The following CXorf65 variants were observed in gnomAD, a reference collection of about 807,000 sequenced individuals.
The protein encoded by CXorf65 is uncharacterized protein CXorf65.
For missense variants in CXorf65, 137 were observed against 144.7 expected (o/e 0.95, Z 0.27); for synonymous variants, 54 against 51.4 (o/e 1.05, Z -0.21).
At position 71,106,688 on chromosome X, in the gene CXorf65, G is replaced by T; in HGVS notation, c.-132C>A. 1 of 1,173,377 alleles carries T rather than the reference G, an allele frequency of 8.5e-7. No individual in the cohort carries two copies. On this transcript the variant is annotated 5_prime_UTR_variant, in exon 1 of 6. Coordinates refer to ENST00000374251, the MANE Select transcript of CXorf65 (RefSeq NM_001025265.3). ...CTAGAGAGGCAGATGGATTTCATAG[G>T]CTGAGGATGCCCAGGCTGGACAGGC...
At position 71,106,614 on chromosome X, in the gene CXorf65, G is replaced by A; in HGVS notation, c.-58C>T. The A allele has an allele frequency of 8.3e-7, 1 of 1,208,593 alleles. No homozygotes were observed. The highest frequency in any genetic ancestry group is 3.0e-5 in the East Asian group (1 of 33,816). On this transcript the variant is annotated 5_prime_UTR_variant, in exon 1 of 6. Transcript: ENST00000374251. ...CCCTGATGAGTCATGCAGAAGGAGGGTGTTCTAGAGGCCTTGTGTGGGGCA... is the reference window on the plus strand; with the variant it reads ...CCCTGATGAGTCATGCAGAAGGAGGATGTTCTAGAGGCCTTGTGTGGGGCA...
At chrX:71,104,920 C>T (rs1187386788) in intron 3 of CXorf65, 83 bp from the exon 4 acceptor site, 2 of 905,517 alleles carry the variant, frequency 2.2e-6, no homozygotes, top group Non-Finnish European at 3.2e-6. Context: ...GGACCTAACA[C>T]TAAAGACTAC....
Position 71,104,102 on chromosome X carries a change from G to A in CXorf65, c.437C>T (p.Ser146Leu). The A allele has an allele frequency of 8.3e-7, 1 of 1,209,937 alleles. No individual in the cohort carries two copies. The highest frequency in any genetic ancestry group is 1.1e-6 in the Non-Finnish European group (1 of 894,767). Residue 146 changes from serine (S) to leucine (L), a missense_variant, in exon 6 of 6, where the codon TCA becomes TTA. Coordinates refer to ENST00000374251, the MANE Select transcript of CXorf65 (RefSeq NM_001025265.3). Reference sequence around the variant, plus strand: ...GGACTTCTTTTTGTCTGATCGTCCTGATTGCTTGGACTAGAAAAAGAAAGT... The same window carrying A: ...GGACTTCTTTTTGTCTGATCGTCCTAATTGCTTGGACTAGAAAAAGAAAGT... The part of the protein sequence containing the change: ...EPPASVPSKQ[S>L]GRSDKKKSTR...
intron 3 of CXorf65, among the ~76,000 whole-genome samples, chrX:71,105,304 G>A (rs1021357002): frequency 9.0e-6 from 1 of 110,680 alleles, no homozygotes; most frequent in African/African-American, 3.3e-5. Context: ...AGTGGCTCAC[G>A]CCTGTAATCC....
At position 71,103,958 on chromosome X, in the gene CXorf65, G is replaced by A; in HGVS notation, c.*29C>T. On this transcript the variant is annotated 3_prime_UTR_variant, in exon 6 of 6. Coordinates refer to ENST00000374251, the MANE Select transcript of CXorf65 (RefSeq NM_001025265.3). The stretch of plus-strand genomic sequence containing the variant: ...GTCTTTCTAGAAAAAGAAATCTCAC[G>A]TTAAATTCCAGTAATTTCACACCTA... 1.7e-6 allele frequency: 2 copies of A among 1,199,756 alleles called. No homozygotes were observed. Among genetic ancestry groups the A allele is most frequent in the Non-Finnish European group, 1.1e-6 (1 of 885,945 alleles).
chrX:71,104,787 G>T lies in CXorf65; in HGVS notation c.301C>A (p.Pro101Thr). The stretch of plus-strand genomic sequence containing the variant: ...TTCTTACCAAGCAGCCAAGGCTCCG[G>T]ATTCTTGAGGAGAGGCACAAAAGCT... ...YRAFVPLLKNPEPWLLVALRI... is the reference protein window; with the variant it reads ...YRAFVPLLKNTEPWLLVALRI... Residue 101 changes from proline to threonine, a missense_variant, in exon 4 of 6, where the codon CCG becomes ACG. Coordinates refer to ENST00000374251, the MANE Select transcript of CXorf65 (RefSeq NM_001025265.3). 8.3e-7 allele frequency: 1 copy of T among 1,210,486 alleles called. No individual in the cohort carries two copies. The highest frequency in any genetic ancestry group is 1.1e-6 in the Non-Finnish European group (1 of 894,760).
chrX:71,106,068 T>C lies in CXorf65; in HGVS notation c.182A>G (p.Glu61Gly), dbSNP rs2092247817. The C allele has an allele frequency of 1.7e-6, 2 of 1,211,085 alleles. No homozygotes were observed. The highest frequency in any genetic ancestry group is 2.2e-6 in the Non-Finnish European group (2 of 894,818). ...MLFLMKPNHA[E>G]YASKYLTARS... ...AGCTGTAAGGTATTTGCTGGCATAC[T>C]CTGCATGATTGGGCTTCATCAGGAA... Residue 61 changes from glutamate (E) to glycine (G), a missense_variant, in exon 3 of 6, where the codon GAG becomes GGG. Glu to Gly is a moderately conservative substitution (Grantham distance 98, BLOSUM62 -2). Transcript: ENST00000374251.
intron 3 of CXorf65, among the ~76,000 whole-genome samples, 156 bp downstream of exon 3, chrX:71,105,844 G>C (rs1338878697): frequency 3.6e-5 from 4 of 111,249 alleles, no homozygotes; most frequent in Non-Finnish European, 7.5e-5. Flanking sequence ...TCAAACTCCT[G>C]CCCTCTATCG....
chrX:71,104,789 T>C lies in CXorf65; in HGVS notation c.299A>G (p.Asn100Ser). The C allele has an allele frequency of 2.5e-6, 3 of 1,210,802 alleles. No homozygotes were observed. Among genetic ancestry groups the C allele is most frequent in the Non-Finnish European group, 3.4e-6 (3 of 894,916 alleles). ...AYRAFVPLLK[N>S]PEPWLLVALR... ...CTTACCAAGCAGCCAAGGCTCCGGA[T>C]TCTTGAGGAGAGGCACAAAAGCTCT... Residue 100 changes from asparagine (N) to serine (S), a missense_variant, in exon 4 of 6, where the codon AAT becomes AGT. By Grantham distance (46) the Asn-to-Ser change is conservative. Transcript: ENST00000374251.
rs1351013343 is a variant in CXorf65, at chrX:71,106,548, G to A, written c.9C>T (p.Ile3=). ...GCCCCTCACCTCCATGTTTGATGAA[G>A]ATGAACATGCCCTCAAGATCGCCTC... MF[I]FIKHGDNQQF... is the part of the protein sequence containing the mutation. The change falls in exon 1 of 6, where the codon ATC becomes ATT. Residue 3 remains isoleucine, a synonymous_variant. Coordinates refer to ENST00000374251, the MANE Select transcript of CXorf65 (RefSeq NM_001025265.3). 2 of 1,211,184 alleles carry A rather than the reference G, an allele frequency of 1.7e-6. No individual in the cohort carries two copies. Among genetic ancestry groups the A allele is most frequent in the Non-Finnish European group, 2.2e-6 (2 of 895,265 alleles).
intron 3 of CXorf65, 147 bp downstream of exon 3, chrX:71,105,853 C>T (rs2092246918): frequency 8.3e-6 from 5 of 604,131 alleles, no homozygotes; most frequent in Non-Finnish European, 1.0e-5. Context: ...TGCCCTCTAT[C>T]GATTCTCCCG....
At chrX:71,104,153 G>T in intron 5 of CXorf65, 41 bp from the exon 6 acceptor site, 2 of 1,197,746 alleles carry the variant, frequency 1.7e-6, no homozygotes, top group South Asian at 1.8e-5. Context: ...CCCCTGCAGG[G>T]AAGGTTTCTA....
In CXorf65 at chrX:71,106,021, T is replaced by C. The variant is rs758470987; in HGVS notation, c.229A>G (p.Lys77Glu). Residue 77 changes from lysine (K) to glutamate (E), a missense_variant, in exon 3 of 6, where the codon AAG becomes GAG. Physicochemically the swap from Lys to Glu is moderately conservative, Grantham distance 56 (BLOSUM62 1). Coordinates refer to ENST00000374251, the MANE Select transcript of CXorf65 (RefSeq NM_001025265.3). ...LTARSTYYVCKVERGPPGTRL... is the reference protein window; with the variant it reads ...LTARSTYYVCEVERGPPGTRL... ...CTACCTGGTGGCCCACGTTCCACCTTACAAACGTAGTAGGTGCTTCGAGCT... is the reference window on the plus strand; with the variant it reads ...CTACCTGGTGGCCCACGTTCCACCTCACAAACGTAGTAGGTGCTTCGAGCT... The C allele has an allele frequency of 8.3e-7, 1 of 1,211,562 alleles. No individual in the cohort carries two copies. The highest frequency in any genetic ancestry group is 1.1e-6 in the Non-Finnish European group (1 of 895,235).
chrX:71,104,242 AGTCGGCTG>A, intron 5 of CXorf65, 48 bp downstream of exon 5: 6 of 1,106,492 alleles, frequency 5.4e-6, no homozygotes, highest in Non-Finnish European at 7.5e-6. Flanking sequence ...AGGAACATTC[AGTCGGCTG>A]GTAGGGAGAG....
chrX:71,104,262 G>C (rs919966920), intron 5 of CXorf65, 36 bp downstream of exon 5: 50 of 1,112,273 alleles, frequency 4.5e-5, no homozygotes, highest in African/African-American at 7.3e-5. Flanking sequence ...TAGGGAGAGG[G>C]GGGTGCTGGG....
In CXorf65 at chrX:71,106,165, G is replaced by A. The variant is rs776388381; in HGVS notation, c.113-28C>T. ...GGAGGGAGATCACAGGGTAATTGGGGCAGCTAAGGAAAGAGAGTGGGAGCA... is the reference window on the plus strand; with the variant it reads ...GGAGGGAGATCACAGGGTAATTGGGACAGCTAAGGAAAGAGAGTGGGAGCA... On this transcript the variant is annotated intron_variant, in intron 2 of 5. Transcript: ENST00000374251. The A allele has an allele frequency of 3.3e-6, 4 of 1,204,317 alleles. No individual in the cohort carries two copies. The South Asian group carries it at 7.1e-5, about 21-fold the overall frequency.
chrX:71,106,180 G>T, intron 2 of CXorf65, 43 bp from the exon 3 acceptor site: 1 of 1,190,403 alleles, frequency 8.4e-7, no homozygotes, highest in Non-Finnish European at 1.1e-6. Flanking sequence ...TAAGGAAAGA[G>T]AGTGGGAGCA....
In CXorf65 at chrX:71,104,386, C is replaced by T; in HGVS notation, c.338G>A (p.Cys113Tyr). 2.5e-6 allele frequency: 3 copies of T among 1,197,963 alleles called. No homozygotes were observed. The highest frequency in any genetic ancestry group is 2.3e-6 in the Non-Finnish European group (2 of 885,401). ...PWLLVALRIQ[C>Y]DALERRRIQM... Reference sequence around the variant, plus strand: ...AATTCGTCTCCTCTCCAGGGCATCACATTGTATGCGCAGTGCAACTAAGAA... The same window carrying T: ...AATTCGTCTCCTCTCCAGGGCATCATATTGTATGCGCAGTGCAACTAAGAA... The change falls in exon 5 of 6, where the codon TGT (cysteine) becomes TAT (tyrosine). Residue 113 changes from cysteine to tyrosine, a missense_variant. Cys to Tyr is a radical substitution (Grantham distance 194, BLOSUM62 -2). Transcript: ENST00000374251.
chrX:71,105,582 A>AG (rs1222628009), intron 3 of CXorf65, among the ~76,000 whole-genome samples: 1 of 109,295 alleles, frequency 9.1e-6, no homozygotes, highest in African/African-American at 3.3e-5. Context: ...AAAAAAAAAA[A>AG]AAAACCTACC....
Sources: gnomAD v4.1 joint callset for allele counts (sites outside exome capture counted in the v4.1 genomes callset) on GRCh38, gnomAD v4.1.1 for gene constraint, MANE v1.5 for transcripts, NCBI Gene and HGNC (gene_info 2026-07-23, HGNC 2026-07-21) for gene names.